Variants in CCDC148 observed in about 807,000 individuals in gnomAD.
CCDC148 encodes coiled-coil domain-containing protein 148.
In CCDC148, 89 loss-of-function variants were observed where a neutral mutation model predicts 85.7. The observed-to-expected ratio is 1.04, with a 90% CI of 0.87 to 1.24. The LOEUF (loss-of-function observed/expected upper bound fraction) is 1.24. CCDC148 is among the 50% of genes most tolerant of loss of function. The pLI is 0.00. For synonymous variants in CCDC148, 230 were observed against 213.9 expected (o/e 1.08, Z -0.66); for missense variants, 692 against 671.7 (o/e 1.03, Z -0.33).
intron 9 of CCDC148, among the ~76,000 whole-genome samples, chr2:158,304,014 T>A (rs948046403): frequency 5.9e-5 from 9 of 151,816 alleles, no homozygotes; most frequent in Non-Finnish European, 1.0e-4. Flanking sequence ...ATTGTTTTTG[T>A]CCTCCATTCA....
At chr2:158,339,612 A>G (rs1682567709) in intron 5 of CCDC148, among the ~76,000 whole-genome samples, 1 of 152,198 alleles carries the variant, frequency 6.6e-6, no homozygotes, top group Non-Finnish European at 1.5e-5. Context: ...AAGGGTCAGG[A>G]GCAGGAAGGA....
chr2:158,321,416 C>T (rs1050690123), intron 7 of CCDC148, among the ~76,000 whole-genome samples: 5 of 152,154 alleles, frequency 3.3e-5, no homozygotes, highest in Non-Finnish European at 4.4e-5. Flanking sequence ...AATTACGCTG[C>T]TGTTTCTGGG....
Position 158,264,519 on chromosome 2 carries a change from T to C in CCDC148, c.1111-13607A>G, listed in dbSNP as rs898506629. ...AGTGCATGTTGATATGTGTGCATTT[T>C]CTGAATGCTATCTTCTAGAAAGAAC... On this transcript the variant is annotated intron_variant, in intron 9 of 13. Transcript: ENST00000283233. Among the ~76,000 whole-genome samples, 8 of 152,264 alleles carry C rather than the reference T, an allele frequency of 5.3e-5. No individual in the cohort carries two copies. The South Asian group carries it at 1.7e-3, about 32-fold the overall frequency.
intron 7 of CCDC148, among the ~76,000 whole-genome samples, chr2:158,327,745 G>GA (rs1267944129): frequency 6.6e-6 from 1 of 152,036 alleles, no homozygotes; most frequent in Non-Finnish European, 1.5e-5. Context: ...TATATTGATG[G>GA]AAAATATCTC....
intron 12 of CCDC148, chr2:158,178,181 T>C (rs1448228894): frequency 1.3e-5 from 2 of 152,114 alleles, no homozygotes; most frequent in Non-Finnish European, 2.9e-5. Context: ...CATGATTCTG[T>C]GTTCCCTCCA....
At chr2:158,418,346 ACTAACT>A (rs1282220234) in intron 1 of CCDC148, among the ~76,000 whole-genome samples, 5 of 152,216 alleles carry the variant, frequency 3.3e-5, no homozygotes, top group Non-Finnish European at 5.9e-5. Flanking sequence ...AGAAGGCAAA[ACTAACT>A]CTAAGTCCAA....
rs1262751113 is a variant in CCDC148 at position 158,456,489 on chromosome 2, G to A, written c.-50C>T. On this transcript the variant is annotated 5_prime_UTR_variant, in exon 1 of 14. Coordinates refer to ENST00000283233, the MANE Select transcript of CCDC148 (RefSeq NM_138803.4). ...CAGGGACTCCCCAAACGCAGGAAAAGTGAAACGCCCACTCCTGGGCTCTCG... is the reference window on the plus strand; with the variant it reads ...CAGGGACTCCCCAAACGCAGGAAAAATGAAACGCCCACTCCTGGGCTCTCG... 8 of 1,597,050 alleles carry A rather than the reference G, an allele frequency of 5.0e-6. No homozygotes were observed. Among genetic ancestry groups the A allele is most frequent in the Non-Finnish European group, 6.8e-6 (8 of 1,171,778 alleles).
intron 9 of CCDC148, among the ~76,000 whole-genome samples, chr2:158,287,419 C>T (rs1417421736): frequency 6.6e-6 from 1 of 152,052 alleles, no homozygotes; most frequent in Non-Finnish European, 1.5e-5. Flanking sequence ...ACCTATGAGC[C>T]TAGAAAATCA....
intron 9 of CCDC148, among the ~76,000 whole-genome samples, chr2:158,286,651 G>C (rs969632572): frequency 4.6e-5 from 7 of 152,146 alleles, no homozygotes; most frequent in African/African-American, 1.7e-4. Context: ...CATGGACATA[G>C]ACAAATAAAA....
Position 158,309,505 on chromosome 2 carries a change from T to G in CCDC148, c.1038A>C (p.Thr346=). 1.9e-6 allele frequency: 3 copies of G among 1,614,208 alleles called. No homozygotes were observed. The highest frequency in any genetic ancestry group is 2.5e-6 in the Non-Finnish European group (3 of 1,180,016). ...TAGCCAACATGCTCTCCATTTCATG[T>G]GTTGCACAAGCCTCAGTGAGTGTCA... ...AVLTLTEACA[T]HEMESMLAKD... Residue 346 remains threonine (T), a synonymous_variant, in exon 9 of 14, where the codon ACA becomes ACC. Coordinates refer to ENST00000283233, the MANE Select transcript of CCDC148 (RefSeq NM_138803.4).
intron 1 of CCDC148, among the ~76,000 whole-genome samples, chr2:158,389,285 T>C (rs1303299630): frequency 1.3e-5 from 2 of 152,196 alleles, no homozygotes; most frequent in South Asian, 2.1e-4. Flanking sequence ...AAAGACCAAA[T>C]AGTCCTTCAA....
At chr2:158,437,839 CAGAG>C (rs1266502632) in intron 1 of CCDC148, among the ~76,000 whole-genome samples, 3 of 152,110 alleles carry the variant, frequency 2.0e-5, no homozygotes, top group Non-Finnish European at 2.9e-5. Context: ...CAATAACAGA[CAGAG>C]AGCCAAATTA....
chr2:158,172,555 C>T (rs932885574), intron 13 of CCDC148, among the ~76,000 whole-genome samples: 5 of 152,068 alleles, frequency 3.3e-5, no homozygotes, highest in Admixed American at 3.3e-4. Flanking sequence ...ACTTTCAGTG[C>T]TACTATTGAT....
At chr2:158,201,934 A>G (rs1209078421) in intron 11 of CCDC148, among the ~76,000 whole-genome samples, 2 of 152,186 alleles carry the variant, frequency 1.3e-5, no homozygotes, top group African/African-American at 4.8e-5. Flanking sequence ...ATGTCAATGT[A>G]GTGATAAAGT....
chr2:158,190,075 T>G (rs867290044), intron 11 of CCDC148, among the ~76,000 whole-genome samples: 1 of 151,984 alleles, frequency 6.6e-6, no homozygotes, highest in Non-Finnish European at 1.5e-5. Context: ...TCAGTGAGTA[T>G]GTCTTTGTAA....
Position 158,338,767 on chromosome 2 carries a change from C to T in CCDC148, c.723G>A (p.Lys241=), listed in dbSNP as rs1290687498. ...ACTGCAGATTAAAGTCTTGAAGCTT[C>T]TTCTGATATTTCTGTGTAAACTTAT... ...EFYKFTQKYQ[K]KLQDFNLQLE... The change falls in exon 7 of 14, where the codon AAG becomes AAA. Residue 241 remains lysine, a synonymous_variant. Transcript: ENST00000283233. The T allele has an allele frequency of 6.2e-7, 1 of 1,610,600 alleles. No homozygotes were observed. The highest frequency in any genetic ancestry group is 1.1e-5 in the South Asian group (1 of 90,230).
At chr2:158,278,844 C>A (rs1690104879) in intron 9 of CCDC148, among the ~76,000 whole-genome samples, 2 of 152,250 alleles carry the variant, frequency 1.3e-5, no homozygotes, top group African/African-American at 4.8e-5. Flanking sequence ...TCTCCGACCC[C>A]TGACCCCTGA....
At chr2:158,197,058 G>A (rs979105429) in intron 11 of CCDC148, among the ~76,000 whole-genome samples, 1 of 152,068 alleles carries the variant, frequency 6.6e-6, no homozygotes, top group African/African-American at 2.4e-5. Context: ...TCTAAAGAAA[G>A]TAAGACTCTT....
rs192920601 is a variant in CCDC148, at chr2:158,326,920, T to A, written c.764+11806A>T. On this transcript the variant is annotated intron_variant, in intron 7 of 13. Transcript: ENST00000283233. Reference sequence around the variant, plus strand: ...TTCCTGTTTTACACAATGTAGACTGTGCATTGCTTTGATTACTTAACTATA... The same window carrying A: ...TTCCTGTTTTACACAATGTAGACTGAGCATTGCTTTGATTACTTAACTATA... 3.1e-3 allele frequency among the ~76,000 whole-genome samples: 468 copies of A among 152,288 alleles called. 12 individuals are homozygous for A. The highest frequency in any genetic ancestry group is 9.9e-4 in the Non-Finnish European group (67 of 68,018).
Sources: gnomAD v4.1 joint callset for allele counts (sites outside exome capture counted in the v4.1 genomes callset) on GRCh38, gnomAD v4.1.1 for gene constraint, MANE v1.5 for transcripts, NCBI Gene and HGNC (gene_info 2026-07-23, HGNC 2026-07-21) for gene names.